Variants in SEPTIN2 observed in about 807,000 individuals in gnomAD.
SEPTIN2 encodes septin-2.
In SEPTIN2, 34 loss-of-function variants were observed where a neutral mutation model predicts 46.5. The ratio of observed to expected loss-of-function variants is 0.73; its 90% CI spans 0.56 to 0.97. SEPTIN2 has a LOEUF of 0.97. Among genes scored for constraint, SEPTIN2 ranks in the 50% least tolerant of loss-of-function variants. The pLI is 0.00. For missense variants in SEPTIN2, 347 were observed against 448.4 expected, an observed-to-expected ratio of 0.77 and a Z score of 2.04; for synonymous variants, 175 against 153.4, an observed-to-expected ratio of 1.14 and a Z score of -1.04.
intron 1 of SEPTIN2, among the ~76,000 whole-genome samples, chr2:241,319,976 T>TC (rs2076909827): frequency 6.6e-6 from 1 of 152,224 alleles, no homozygotes. Context: ...TGATTTTTTT[T>TC]CCCCTATACT....
At chr2:241,316,400 A>C in intron 1 of SEPTIN2, 2 of 945,856 alleles carry the variant, frequency 2.1e-6, no homozygotes, top group Non-Finnish European at 3.0e-6. Flanking sequence ...TGTCTTTCTA[A>C]CGGTGCCATT....
At chr2:241,350,378 C>T (rs1397481213) in intron 12 of SEPTIN2, among the ~76,000 whole-genome samples, 175 bp downstream of exon 12, 1 of 152,120 alleles carries the variant, frequency 6.6e-6, no homozygotes, top group Non-Finnish European at 1.5e-5. Flanking sequence ...TACTTTGCCA[C>T]CTACTTTCTA....
At chr2:241,342,025 C>G (rs1185787741) in intron 7 of SEPTIN2, among the ~76,000 whole-genome samples, 1 of 152,156 alleles carries the variant, frequency 6.6e-6, no homozygotes. Context: ...TTGATAGGTC[C>G]GATTGTGGGA....
intron 3 of SEPTIN2, among the ~76,000 whole-genome samples, chr2:241,334,770 A>C (rs989924548): frequency 1.3e-5 from 2 of 152,212 alleles, no homozygotes; most frequent in African/African-American, 4.8e-5. Context: ...CAGAACTGAT[A>C]ATTGAAAACC....
rs1238994965 is a variant in SEPTIN2 at position 241,352,044 on chromosome 2, C to A, written c.*107C>A. 1 of 152,590 alleles carries A rather than the reference C, an allele frequency of 6.6e-6. No individual in the cohort carries two copies. Among genetic ancestry groups the A allele is most frequent in the South Asian group, 2.1e-4 (1 of 4,822 alleles). The allele number at this position is 152,590 out of a possible 1,614,324, so 9.5% of individuals were successfully genotyped here. A position where few individuals can be genotyped will look rare whatever the true frequency, so the allele number is the denominator to read the frequency against. On this transcript the variant is annotated 3_prime_UTR_variant, in exon 13 of 13. Transcript: ENST00000391971. ...TGTGTTTTCAATCCTTGGGAGGGTG[C>A]CATCCACATTTTAACAGTACCTGTG...
At chr2:241,330,364 A>G (rs952658479) in intron 3 of SEPTIN2, among the ~76,000 whole-genome samples, 2 of 152,252 alleles carry the variant, frequency 1.3e-5, no homozygotes, top group African/African-American at 4.8e-5. Flanking sequence ...AATGGTTAAA[A>G]AATAATGACT....
At chr2:241,339,524 T>A (rs2080965327) in intron 7 of SEPTIN2, among the ~76,000 whole-genome samples, 1 of 152,204 alleles carries the variant, frequency 6.6e-6, no homozygotes, top group Non-Finnish European at 1.5e-5. Flanking sequence ...TTTAAAAATA[T>A]TTGGAAGCAT....
At chr2:241,320,683 G>A (rs545209885) in intron 1 of SEPTIN2, among the ~76,000 whole-genome samples, 27 of 152,208 alleles carry the variant, frequency 1.8e-4, no homozygotes, top group Admixed American at 8.5e-4. Flanking sequence ...CAGCTATTCC[G>A]GAGGCTGAGG....
chr2:241,325,769 C>T (rs1188093635), intron 2 of SEPTIN2, among the ~76,000 whole-genome samples: 1 of 151,830 alleles, frequency 6.6e-6, no homozygotes, highest in Admixed American at 6.6e-5. Context: ...AATTTTCAGT[C>T]GCATACAACT....
At chr2:241,318,895 A>C (rs1315311942) in intron 1 of SEPTIN2, among the ~76,000 whole-genome samples, 1 of 151,846 alleles carries the variant, frequency 6.6e-6, no homozygotes, top group Non-Finnish European at 1.5e-5. Context: ...ACGGGGTTTC[A>C]CCATGTTGGC....
rs566659762 is a variant in SEPTIN2, at chr2:241,335,909, G to A, written c.218-66G>A. On this transcript the variant is annotated intron_variant, in intron 4 of 12. Transcript: ENST00000391971. ...GCAGTAGACTCTGAAGTCACCTGTC[G>A]TAAGAACGTGAGCTTTCCTCTTCAC... The A allele has an allele frequency of 1.2e-3, 1,949 of 1,610,284 alleles. 1 individual carries two copies. The highest frequency in any genetic ancestry group is 1.3e-3 in the Non-Finnish European group (1,558 of 1,176,854).
chr2:241,350,242 T>TA lies in SEPTIN2; in HGVS notation c.*29+40dup, dbSNP rs2060661238. On this transcript the variant is annotated intron_variant, in intron 12 of 12. Coordinates refer to ENST00000391971, the MANE Select transcript of SEPTIN2 (RefSeq NM_004404.5). ...TCCCTTAGCCTGGAAGACAGGCAGT[T>TA]ACTAACATTGTGTCAGCTTAAATAT... 2.6e-6 allele frequency: 3 copies of TA among 1,146,608 alleles called. No individual in the cohort carries two copies. The Admixed American group carries it at 1.1e-4, about 40-fold the overall frequency. 71.0% of individuals were successfully genotyped at this position (1,146,608 alleles called of 1,614,324 possible).
At chr2:241,327,303 C>T (rs1286176255) in intron 3 of SEPTIN2, among the ~76,000 whole-genome samples, 1 of 151,436 alleles carries the variant, frequency 6.6e-6, no homozygotes, top group Non-Finnish European at 1.5e-5. Context: ...CCAAGTGGAA[C>T]TTCTAAAGAT....
intron 1 of SEPTIN2, chr2:241,317,528 T>A: frequency 2.0e-6 from 2 of 983,956 alleles, no homozygotes; most frequent in Non-Finnish European, 2.4e-6. Context: ...AAGAAGAAGT[T>A]GTGGGTATTT....
chr2:241,339,590 G>C (rs762377828), intron 7 of SEPTIN2, among the ~76,000 whole-genome samples: 1 of 152,064 alleles, frequency 6.6e-6, no homozygotes, highest in Non-Finnish European at 1.5e-5. Flanking sequence ...TCCACCATAT[G>C]AATATACTCT....
At position 241,344,381 on chromosome 2, in the gene SEPTIN2, A is replaced by G. The variant is rs192448291; in HGVS notation, c.842+484A>G. On this transcript the variant is annotated intron_variant, in intron 9 of 12. Transcript: ENST00000391971. ...ATTATTAATAGCAATTACAGACCTG[A>G]CTACAAAAATAGTCTTCTTTAAAAA... 4.5e-4 allele frequency among the ~76,000 whole-genome samples: 69 copies of G among 152,244 alleles called. No homozygotes were observed. The East Asian group carries it at 0.013, about 29-fold the overall frequency.
rs1376105998 is a variant in SEPTIN2, at chr2:241,324,248, T to A, written c.9+7T>A. ...TTCACAAAAGATGTCTAAGGTAAGA[T>A]CATACTTCATGTATCTACAGCATAA... On this transcript the variant is annotated splice_region_variant and intron_variant, in intron 2 of 12. Coordinates refer to ENST00000391971, the MANE Select transcript of SEPTIN2 (RefSeq NM_004404.5). The A allele has an allele frequency of 1.9e-6, 3 of 1,609,300 alleles. No homozygotes were observed. Among genetic ancestry groups the A allele is most frequent in the Non-Finnish European group, 1.7e-6 (2 of 1,177,714 alleles).
At chr2:241,346,131 T>C in intron 9 of SEPTIN2, 35 bp from the exon 10 acceptor site, 2 of 1,526,060 alleles carry the variant, frequency 1.3e-6, no homozygotes, top group South Asian at 1.1e-5. Context: ...GTCATGTGCA[T>C]GATGCCACCT....
chr2:241,322,829 C>G (rs2077341878), intron 1 of SEPTIN2, among the ~76,000 whole-genome samples: 1 of 152,004 alleles, frequency 6.6e-6, no homozygotes, highest in African/African-American at 2.4e-5. Context: ...AATGAAGTCC[C>G]TTACTCCTTG....
Sources: gnomAD v4.1 joint callset for allele counts (sites outside exome capture counted in the v4.1 genomes callset) on GRCh38, gnomAD v4.1.1 for gene constraint, MANE v1.5 for transcripts, NCBI Gene and HGNC (gene_info 2026-07-23, HGNC 2026-07-21) for gene names.